SCN3B: variants seen among roughly 807,000 people sequenced by gnomAD.
SCN3B encodes the protein sodium channel regulatory subunit beta-3.
A neutral mutation model predicts 25.4 loss-of-function variants in SCN3B; 11 were observed. The observed-to-expected ratio is 0.43, with a 90% confidence interval of 0.27 to 0.72. SCN3B has a LOEUF of 0.72. Among genes scored for constraint, SCN3B ranks in the 30% least tolerant of loss-of-function variants. SCN3B has a pLI of 0.18. For missense variants in SCN3B, 218 were observed against 278.3 expected (o/e 0.78, Z 1.54); for synonymous variants, 109 against 110.7 (o/e 0.99, Z 0.09).
Position 123,634,177 on chromosome 11 carries a change from T to C in SCN3B, c.614A>G (p.Asn205Ser), listed in dbSNP as rs781244975. 3.1e-6 allele frequency: 5 copies of C among 1,613,844 alleles called. No individual in the cohort carries two copies. Among genetic ancestry groups the C allele is most frequent in the Non-Finnish European group, 4.2e-6 (5 of 1,179,878 alleles). ...CACTGGTACCGCAGAGTTCTCCTTG[T>C]TCTCAGATGGGATGGCAAGGTAGTC... ...ASDYLAIPSENKENSAVPVEE is the reference protein window; with the variant it reads ...ASDYLAIPSESKENSAVPVEE The change falls in exon 6 of 7, where the codon AAC (asparagine) becomes AGC (serine). Residue 205 changes from asparagine to serine, a missense_variant. Asn to Ser is a conservative substitution (Grantham distance 46). Coordinates refer to ENST00000299333, the MANE Select transcript of SCN3B (RefSeq NM_001040151.2).
At chr11:123,650,558 T>C (rs146916545) in intron 2 of SCN3B, among the ~76,000 whole-genome samples, 15 of 152,178 alleles carry the variant, frequency 9.9e-5, no homozygotes, top group Admixed American at 2.6e-4. Context: ...AGGGCAGGCC[T>C]GGAGAAGAAG....
At chr11:123,636,758 A>G (rs1955730411) in intron 5 of SCN3B, among the ~76,000 whole-genome samples, 2 of 151,096 alleles carry the variant, frequency 1.3e-5, no homozygotes, top group South Asian at 4.2e-4. Flanking sequence ...CAGTGCCGTG[A>G]TCTCGGCTCA....
chr11:123,651,118 A>G (rs1955920546), intron 2 of SCN3B, among the ~76,000 whole-genome samples: 1 of 151,186 alleles, frequency 6.6e-6, no homozygotes, highest in African/African-American at 2.4e-5. Flanking sequence ...TGTATTAATT[A>G]TTTATTGTAT....
chr11:123,650,571 C>T (rs2036971921), intron 2 of SCN3B, among the ~76,000 whole-genome samples: 1 of 152,070 alleles, frequency 6.6e-6, no homozygotes, highest in Admixed American at 6.5e-5. Flanking sequence ...AGAAGAAGGG[C>T]AGAGAAGGTA....
At chr11:123,647,291 C>T (rs1955864826) in intron 2 of SCN3B, among the ~76,000 whole-genome samples, 1 of 151,868 alleles carries the variant, frequency 6.6e-6, no homozygotes, top group South Asian at 2.1e-4. Context: ...GCCTGGGCAA[C>T]ATAGTGAGAC....
At position 123,631,545 on chromosome 11, in the gene SCN3B, G is replaced by C. The variant is rs1288421920; in HGVS notation, c.*2254C>G. On this transcript the variant is annotated 3_prime_UTR_variant, in exon 7 of 7. Transcript: ENST00000299333. ...TTTAATGTGTTAACGGTCTGGTTTT[G>C]GGCCAGGCACAGTTGCTCAGGCCTG... is the stretch of plus-strand genomic sequence containing the variant. The C allele has an allele frequency of 6.6e-6, 1 of 152,072 alleles. No homozygotes were observed. Among genetic ancestry groups the C allele is most frequent in the Non-Finnish European group, 1.5e-5 (1 of 68,016 alleles). 9.4% of individuals were successfully genotyped at this position (152,072 alleles called of 1,614,324 possible). A position where few individuals can be genotyped will look rare whatever the true frequency, so the allele number is the denominator to read the frequency against.
intron 3 of SCN3B, among the ~76,000 whole-genome samples, chr11:123,644,809 ATATATATATAT>A (rs1382306166): frequency 1.6e-4 from 9 of 57,920 alleles, no homozygotes; most frequent in African/African-American, 1.2e-3. Context: ...GAATATATAT[ATATATATATAT>A]ATATATATAT....
intron 3 of SCN3B, among the ~76,000 whole-genome samples, chr11:123,644,766 TGAGAGA>T (rs371690210): frequency 4.2e-5 from 4 of 94,700 alleles, no homozygotes; most frequent in East Asian, 2.9e-4. Flanking sequence ...GAGACCCCGT[TGAGAGA>T]GAGAGAGAGA....
At chr11:123,641,831 C>T (rs1415259731) in intron 4 of SCN3B, among the ~76,000 whole-genome samples, 2 of 152,008 alleles carry the variant, frequency 1.3e-5, no homozygotes, top group East Asian at 3.8e-4. Flanking sequence ...TGAAGAAAGA[C>T]AAAAGAAAAA....
At chr11:123,649,579 C>T (rs926741881) in intron 2 of SCN3B, among the ~76,000 whole-genome samples, 1 of 152,200 alleles carries the variant, frequency 6.6e-6, no homozygotes. Flanking sequence ...GTCTTCAGCA[C>T]ACCACTGTCT....
intron 3 of SCN3B, among the ~76,000 whole-genome samples, chr11:123,645,232 T>C (rs539401649): frequency 6.6e-6 from 1 of 152,318 alleles, no homozygotes; most frequent in East Asian, 1.9e-4. Context: ...CTTTGTGTTA[T>C]TCCAATTTCT....
At chr11:123,645,487 G>T in intron 3 of SCN3B, 100 bp downstream of exon 3, 1 of 1,168,610 alleles carries the variant, frequency 8.6e-7, no homozygotes, top group South Asian at 1.2e-5. Flanking sequence ...AAGAGAAGGA[G>T]CCAGTGTTTG....
At chr11:123,640,627 G>A (rs1403586769) in intron 4 of SCN3B, 2 of 152,214 alleles carry the variant, frequency 1.3e-5, no homozygotes, top group African/African-American at 2.4e-5. Context: ...CCTGCTTCCA[G>A]CGCGAATTTG....
chr11:123,636,929 T>G (rs1207603266), intron 5 of SCN3B, among the ~76,000 whole-genome samples: 1 of 152,176 alleles, frequency 6.6e-6, no homozygotes, highest in African/African-American at 2.4e-5. Flanking sequence ...CCTGACCTCA[T>G]GATCTGCCTG....
At chr11:123,650,308 T>C (rs1378642957) in intron 2 of SCN3B, among the ~76,000 whole-genome samples, 1 of 152,226 alleles carries the variant, frequency 6.6e-6, no homozygotes, top group Non-Finnish European at 1.5e-5. Context: ...TTCTCTTCTT[T>C]GGACAATGCC....
rs72552167 is a variant in SCN3B at position 123,642,804 on chromosome 11, G to A, written c.220-133C>T. Reference sequence around the variant, plus strand: ...GGGAAGAGAGGGGACAATGCCACCGGGAGACCCAGAATGTGGGGGTGGGAT... The same window carrying A: ...GGGAAGAGAGGGGACAATGCCACCGAGAGACCCAGAATGTGGGGGTGGGAT... On this transcript the variant is annotated intron_variant, in intron 3 of 6. Transcript: ENST00000299333. This position sits in a 1 kb window ranked among gnomAD's most constrained non-coding sequence, Gnocchi z 4.3. The A allele has an allele frequency of 0.015, 11,215 of 735,154 alleles. 130 individuals are homozygous for A. Among genetic ancestry groups the A allele is most frequent in the Middle Eastern group, 0.035 (134 of 3,826 alleles). 45.5% of individuals were successfully genotyped at this position (735,154 alleles called of 1,614,324 possible).
intron 5 of SCN3B, among the ~76,000 whole-genome samples, chr11:123,636,893 C>T (rs1298164701): frequency 6.6e-6 from 1 of 152,126 alleles, no homozygotes; most frequent in East Asian, 1.9e-4. Flanking sequence ...CAGGGTTTCA[C>T]CATGTTAACC....
At chr11:123,650,690 T>C (rs536816398) in intron 2 of SCN3B, among the ~76,000 whole-genome samples, 4 of 152,254 alleles carry the variant, frequency 2.6e-5, no homozygotes, top group Admixed American at 2.6e-4. Context: ...CGATTGTGCA[T>C]AGTAGCACAT....
At chr11:123,639,905 G>A (rs1955768259) in intron 4 of SCN3B, 1 of 152,126 alleles carries the variant, frequency 6.6e-6, no homozygotes, top group Non-Finnish European at 1.5e-5. Flanking sequence ...ATACTACATG[G>A]CAGATATCCT....
Sources: gnomAD v4.1 joint callset for allele counts (sites outside exome capture counted in the v4.1 genomes callset) on GRCh38, gnomAD v4.1.1 for gene constraint, Gnocchi (gnomAD v3.1) non-coding constraint, MANE v1.5 for transcripts, NCBI Gene and HGNC (gene_info 2026-07-23, HGNC 2026-07-21) for gene names.